The following XRCC5 variants were observed in gnomAD, a reference collection of about 807,000 sequenced individuals.
The protein encoded by XRCC5 is DNA repair protein Ku80.
Under a neutral mutation model 95.7 loss-of-function variants are expected in XRCC5, and 12 were observed. The ratio of observed to expected loss-of-function variants is 0.13; its 90% CI spans 0.08 to 0.20. XRCC5 has a LOEUF of 0.20. Among genes scored for constraint, XRCC5 ranks in the 10% least tolerant of loss-of-function variants. XRCC5 has a pLI of 1.00. For synonymous variants in XRCC5, 281 were observed against 290.3 expected (o/e 0.97, Z 0.33); for missense variants, 595 against 873.9 (o/e 0.68, Z 4.02).
chr2:216,115,060 A>C (rs1167937636), intron 2 of XRCC5, among the ~76,000 whole-genome samples: 1 of 152,192 alleles, frequency 6.6e-6, no homozygotes, highest in East Asian at 1.9e-4. Context: ...TTGATTTTTC[A>C]CGTGGCCCTC....
At chr2:216,152,725 A>G (rs1375717801) in intron 14 of XRCC5, among the ~76,000 whole-genome samples, 1 of 150,756 alleles carries the variant, frequency 6.6e-6, no homozygotes, top group South Asian at 2.1e-4. Flanking sequence ...TGGCAGGGTC[A>G]CAGCTCACTG....
At chr2:216,128,892 A>G (rs1310946444) in intron 8 of XRCC5, among the ~76,000 whole-genome samples, 1 of 152,244 alleles carries the variant, frequency 6.6e-6, no homozygotes, top group African/African-American at 2.4e-5. Flanking sequence ...AAAGCCCCAC[A>G]GTTCTCAACT....
At chr2:216,202,969 T>G (rs1689867801) in intron 19 of XRCC5, among the ~76,000 whole-genome samples, 1 of 152,214 alleles carries the variant, frequency 6.6e-6, no homozygotes, top group South Asian at 2.1e-4. Flanking sequence ...TGACTTTGGT[T>G]TGACTTTTTA....
At chr2:216,149,764 T>A (rs569793772) in intron 14 of XRCC5, among the ~76,000 whole-genome samples, 37 of 152,284 alleles carry the variant, frequency 2.4e-4, no homozygotes, top group African/African-American at 8.7e-4. Flanking sequence ...TTCTGTCGTT[T>A]GATCCCTGCT....
chr2:216,187,859 T>TCCC lies in XRCC5; in HGVS notation c.1835-2365_1835-2364insCCC, dbSNP rs776198918. On this transcript the variant is annotated intron_variant, in intron 16 of 20. Transcript: ENST00000392132. Reference sequence around the variant, plus strand: ...CTCTCTCTCTCTCTCTCTCTCTCTCTCTCCCCGTCTCCCTGTCTCTCCCTC... The same window carrying TCCC: ...CTCTCTCTCTCTCTCTCTCTCTCTCTCCCCTCCCCGTCTCCCTGTCTCTCCCTC... Among the ~76,000 whole-genome samples, 97 of 110,550 alleles carry TCCC rather than the reference T, an allele frequency of 8.8e-4. 3 individuals carry two copies. Among genetic ancestry groups the TCCC allele is most frequent in the African/African-American group, 3.8e-3 (85 of 22,458 alleles). 72.5% of individuals were successfully genotyped at this position (110,550 alleles called of 152,430 possible).
chr2:216,164,719 G>A (rs1157269270), intron 16 of XRCC5, among the ~76,000 whole-genome samples: 3 of 152,208 alleles, frequency 2.0e-5, no homozygotes, highest in African/African-American at 7.2e-5. Flanking sequence ...TTTACGCACA[G>A]TCACGGCCTT....
chr2:216,136,190 C>T (rs1025051082), intron 10 of XRCC5, among the ~76,000 whole-genome samples: 4 of 151,902 alleles, frequency 2.6e-5, no homozygotes, highest in African/African-American at 9.7e-5. Flanking sequence ...AACCTCGTCT[C>T]TACTAAAAAT....
chr2:216,138,216 A>G, intron 12 of XRCC5, 37 bp downstream of exon 12: 1 of 1,566,558 alleles, frequency 6.4e-7, no homozygotes, highest in South Asian at 1.1e-5. Flanking sequence ...CATTGACTAC[A>G]CACACTGTTC....
At chr2:216,120,092 C>CAACA in intron 5 of XRCC5, among the ~76,000 whole-genome samples, 1 of 152,150 alleles carries the variant, frequency 6.6e-6, no homozygotes, top group Admixed American at 6.6e-5. Context: ...GACTACAGAG[C>CAACA]GACATCTCCT....
chr2:216,161,103 A>C (rs532000102), intron 15 of XRCC5, among the ~76,000 whole-genome samples: 10 of 152,214 alleles, frequency 6.6e-5, no homozygotes, highest in Non-Finnish European at 1.3e-4. Context: ...AATAAAGGGC[A>C]TGCCTTTATT....
intron 2 of XRCC5, among the ~76,000 whole-genome samples, chr2:216,115,107 A>G (rs1696666894): frequency 6.6e-6 from 1 of 152,190 alleles, no homozygotes; most frequent in Non-Finnish European, 1.5e-5. Context: ...TTTCTCCAGT[A>G]AACTCTCACT....
At chr2:216,120,316 C>T (rs1277925528) in intron 5 of XRCC5, among the ~76,000 whole-genome samples, 1 of 152,182 alleles carries the variant, frequency 6.6e-6, no homozygotes, top group African/African-American at 2.4e-5. Context: ...CAGTGAATGT[C>T]ATTCGAAAGA....
intron 14 of XRCC5, chr2:216,156,329 G>T: frequency 1.5e-6 from 1 of 660,876 alleles, no homozygotes; most frequent in South Asian, 1.4e-5. Context: ...ATGCTGTGGA[G>T]GTACCTTTCT....
At chr2:216,156,809 C>A in intron 14 of XRCC5, 1 of 469,488 alleles carries the variant, frequency 2.1e-6, no homozygotes, top group South Asian at 1.6e-5. Context: ...GTCCAGTAGC[C>A]ATTTTTCAAG....
chr2:216,176,959 T>C (rs1689289107), intron 16 of XRCC5, among the ~76,000 whole-genome samples: 1 of 152,260 alleles, frequency 6.6e-6, no homozygotes, highest in Non-Finnish European at 1.5e-5. Context: ...TCTTTGACTC[T>C]TGGGTTATTT....
In XRCC5 at chr2:216,142,204, A is replaced by T. The variant is rs147599672; in HGVS notation, c.1476+885A>T. ...GGCTTTTCTCCTGTATTGTATGTAA[A>T]TAACACTTTTCTTTGTTTTCTATAT... On this transcript the variant is annotated intron_variant, in intron 13 of 20. Coordinates refer to ENST00000392132, the MANE Select transcript of XRCC5 (RefSeq NM_021141.4). Among the ~76,000 whole-genome samples, 8 of 152,246 alleles carry T rather than the reference A, an allele frequency of 5.3e-5. No individual in the cohort carries two copies. In the East Asian group the frequency reaches 1.5e-3, roughly 29 times the overall value.
intron 16 of XRCC5, among the ~76,000 whole-genome samples, chr2:216,183,873 T>G (rs1336196125): frequency 6.6e-6 from 1 of 152,220 alleles, no homozygotes; most frequent in Non-Finnish European, 1.5e-5. Flanking sequence ...TCTCTGTTTC[T>G]TTTGTTGCCA....
chr2:216,175,713 A>G (rs1232382770), intron 16 of XRCC5: 1 of 438,628 alleles, frequency 2.3e-6, no homozygotes, highest in Admixed American at 2.8e-5. Context: ...CTTTGGTTCC[A>G]CTCCACACCC....
intron 20 of XRCC5, among the ~76,000 whole-genome samples, chr2:216,204,897 T>C (rs1353239066): frequency 6.6e-6 from 1 of 152,206 alleles, no homozygotes; most frequent in Admixed American, 6.5e-5. Flanking sequence ...GTAGTAAATG[T>C]CTTTTGTATC....
Sources: allele counts gnomAD v4.1 joint callset (sites outside exome capture counted in the v4.1 genomes callset), GRCh38; gene constraint gnomAD v4.1.1; transcripts MANE v1.5; gene names NCBI Gene and HGNC (gene_info 2026-07-23, HGNC 2026-07-21).